Variants in ABCA13 observed in about 807,000 individuals in gnomAD.
The protein encoded by ABCA13 is ATP binding cassette subfamily A member 13.
A neutral mutation model predicts 478.7 loss-of-function variants in ABCA13; 476 were observed. The observed-to-expected ratio is 0.99, with a 90% CI of 0.92 to 1.07. ABCA13 has a LOEUF of 1.07. ABCA13 is among the 50% of genes least tolerant of loss of function. The probability of loss-of-function intolerance (pLI) is 0.00; values close to 1 mark genes in which losing one functional copy is unlikely to be tolerated. For missense variants in ABCA13, 6,060 were observed against 5,910.6 expected (o/e 1.03, Z -0.83); for synonymous variants, 2,252 against 2,158.9 (o/e 1.04, Z -1.20).
intron 27 of ABCA13, among the ~76,000 whole-genome samples, chr7:48,330,542 T>C: frequency 6.7e-6 from 1 of 149,464 alleles, no homozygotes. Flanking sequence ...TATCCATTTA[T>C]CCATTTAAAT....
At position 48,278,479 on chromosome 7, in the gene ABCA13, A is replaced by G; in HGVS notation, c.7285A>G (p.Thr2429Ala). Residue 2429 changes from threonine to alanine, a missense_variant, in exon 18 of 62, where the codon ACA becomes GCA. By Grantham distance (58) the Thr-to-Ala change is moderately conservative (BLOSUM62 0). This residue lies in a region of ABCA13 where 4,423 missense variants were observed against 4,309.1 expected (regional missense o/e 1.03). Coordinates refer to ENST00000435803, the MANE Select transcript of ABCA13 (RefSeq NM_152701.5). ...CSTEMARLLD[T>A]ILHSPNKDFY... ...AACAGAGATGGCAAGACTTCTGGAT[A>G]CAATTTTACACTCTCCTAATAAGGA... The G allele has an allele frequency of 6.2e-7, 1 of 1,614,016 alleles. No individual in the cohort carries two copies. Among genetic ancestry groups the G allele is most frequent in the East Asian group, 2.2e-5 (1 of 44,862 alleles).
intron 21 of ABCA13, among the ~76,000 whole-genome samples, chr7:48,296,997 C>T (rs550732461): frequency 6.6e-6 from 1 of 152,292 alleles, no homozygotes; most frequent in African/African-American, 2.4e-5. Context: ...TCCCCTGGTT[C>T]ATCTCGGTTG....
chr7:48,289,051 T>C (rs1195600713), intron 20 of ABCA13, among the ~76,000 whole-genome samples: 6 of 152,100 alleles, frequency 3.9e-5, no homozygotes, highest in African/African-American at 1.4e-4. Flanking sequence ...AGCAGAGAAA[T>C]AGATGATGCC....
At position 48,483,069 on chromosome 7, in the gene ABCA13, T is replaced by C; in HGVS notation, c.13095-7T>C. ...TGAAGCACTAACACAATGTTCATTGTTAACAGGCTTGGAGGTTGGTCTTTT... is the reference window on the plus strand; with the variant it reads ...TGAAGCACTAACACAATGTTCATTGCTAACAGGCTTGGAGGTTGGTCTTTT... On this transcript the variant is annotated splice_polypyrimidine_tract_variant and splice_region_variant and intron_variant, in intron 46 of 61. Transcript: ENST00000435803. The C allele has an allele frequency of 6.2e-7, 1 of 1,607,100 alleles. No individual in the cohort carries two copies.
intron 41 of ABCA13, among the ~76,000 whole-genome samples, chr7:48,425,630 C>T (rs1041788612): frequency 6.6e-6 from 1 of 152,222 alleles, no homozygotes; most frequent in Non-Finnish European, 1.5e-5. Context: ...TATCTAGCTA[C>T]TGTTGAGACC....
intron 55 of ABCA13, among the ~76,000 whole-genome samples, chr7:48,537,949 T>C (rs1035547179): frequency 6.6e-6 from 1 of 152,172 alleles, no homozygotes; most frequent in Admixed American, 6.5e-5. Flanking sequence ...GTCATAGAAC[T>C]GAACATACTG....
intron 41 of ABCA13, among the ~76,000 whole-genome samples, chr7:48,424,443 T>C (rs1821149265): frequency 6.6e-6 from 1 of 152,166 alleles, no homozygotes; most frequent in Non-Finnish European, 1.5e-5. Flanking sequence ...TCTTGGAAAC[T>C]AAGACTTTAA....
At chr7:48,547,154 A>G (rs150461555) in intron 55 of ABCA13, among the ~76,000 whole-genome samples, 154 of 150,484 alleles carry the variant, frequency 1.0e-3, no homozygotes, top group African/African-American at 3.4e-3. Flanking sequence ...AAAAATGCTC[A>G]TATACAGTGT....
intron 42 of ABCA13, among the ~76,000 whole-genome samples, chr7:48,446,686 C>T (rs1411410277): frequency 7.1e-6 from 1 of 141,596 alleles, no homozygotes; most frequent in Non-Finnish European, 1.6e-5. Flanking sequence ...AGGGCTGTTC[C>T]AAATTTTTTG....
At chr7:48,314,860 G>A (rs925746436) in intron 26 of ABCA13, among the ~76,000 whole-genome samples, 3 of 152,308 alleles carry the variant, frequency 2.0e-5, no homozygotes, top group African/African-American at 7.2e-5. Context: ...AATATGTCAC[G>A]ATGGGTACAA....
chr7:48,432,877 A>G (rs1822330863), intron 42 of ABCA13, among the ~76,000 whole-genome samples: 1 of 152,060 alleles, frequency 6.6e-6, no homozygotes, highest in Admixed American at 6.5e-5. Context: ...TATAGGAGAA[A>G]TAAGTTCAAG....
At chr7:48,383,635 T>C (rs1051070166) in intron 35 of ABCA13, among the ~76,000 whole-genome samples, 1 of 152,200 alleles carries the variant, frequency 6.6e-6, no homozygotes, top group Non-Finnish European at 1.5e-5. Flanking sequence ...TTCTGAAAAA[T>C]TGAGCTATAA....
Position 48,548,694 on chromosome 7 carries a change from T to G in ABCA13, c.14354+20349T>G, listed in dbSNP as rs1327770958. Among the ~76,000 whole-genome samples, 3 of 151,786 alleles carry G rather than the reference T, an allele frequency of 2.0e-5. 1 individual carries two copies. The highest frequency in any genetic ancestry group is 4.4e-5 in the Non-Finnish European group (3 of 67,860). On this transcript the variant is annotated intron_variant, in intron 55 of 61. Transcript: ENST00000435803. Reference sequence around the variant, plus strand: ...ATTGTTTGAGCTCCCTAGCGCTTCATGGGAAGTCCTCACTGGGAGACCTTA... The same window carrying G: ...ATTGTTTGAGCTCCCTAGCGCTTCAGGGGAAGTCCTCACTGGGAGACCTTA...
chr7:48,502,264 C>A (rs1246168982), intron 48 of ABCA13, among the ~76,000 whole-genome samples: 1 of 152,026 alleles, frequency 6.6e-6, no homozygotes. Flanking sequence ...TAGATGAAAA[C>A]CCTAAAAGAA....
intron 35 of ABCA13, among the ~76,000 whole-genome samples, chr7:48,381,134 C>T (rs1814305118): frequency 6.6e-6 from 1 of 152,096 alleles, no homozygotes; most frequent in Non-Finnish European, 1.5e-5. Flanking sequence ...CCTGTGTGAC[C>T]CTGTGTGGTG....
intron 1 of ABCA13, among the ~76,000 whole-genome samples, chr7:48,183,917 C>T (rs1467084040): frequency 6.6e-6 from 1 of 152,180 alleles, no homozygotes; most frequent in Non-Finnish European, 1.5e-5. Flanking sequence ...CCCTTCTTAA[C>T]AACTGTGTAT....
At chr7:48,502,563 C>T (rs181231650) in intron 48 of ABCA13, among the ~76,000 whole-genome samples, 1 of 152,278 alleles carries the variant, frequency 6.6e-6, no homozygotes, top group African/African-American at 2.4e-5. Flanking sequence ...GTATCCTTCC[C>T]ACTGTATGGC....
chr7:48,507,989 G>T lies in ABCA13; in HGVS notation c.13464G>T (p.Leu4488Phe), dbSNP rs1440217822. ...VRDRVIGAKR[L>F]QHISGLGYRM... ...ACAGGGTGATTGGAGCCAAAAGGTT[G>T]CAGCACATAAGTGGCCTTGGCTACA... The change falls in exon 50 of 62, where the codon TTG (leucine) becomes TTT (phenylalanine). Residue 4488 changes from leucine (L) to phenylalanine (F), a missense_variant. Physicochemically the swap from Leu to Phe is conservative, Grantham distance 22. Transcript: ENST00000435803. 1 of 1,613,880 alleles carries T rather than the reference G, an allele frequency of 6.2e-7. No individual in the cohort carries two copies. The highest frequency in any genetic ancestry group is 1.7e-5 in the Admixed American group (1 of 60,022).
chr7:48,606,524 T>C (rs1221294251), intron 58 of ABCA13, among the ~76,000 whole-genome samples: 5 of 152,120 alleles, frequency 3.3e-5, no homozygotes, highest in Admixed American at 3.3e-4. Context: ...CAGACCCTGT[T>C]TGGGTGTCAG....
Sources: gnomAD v4.1 joint callset for allele counts (sites outside exome capture counted in the v4.1 genomes callset) on GRCh38, gnomAD v4.1.1 for gene constraint, gnomAD v4.1.1 regional missense constraint, MANE v1.5 for transcripts, NCBI Gene and HGNC (gene_info 2026-07-23, HGNC 2026-07-21) for gene names.